The following PRIM2 variants were observed in gnomAD, a reference collection of about 807,000 sequenced individuals.
The protein encoded by PRIM2 is DNA primase large subunit.
Under a neutral mutation model 67.3 loss-of-function variants are expected in PRIM2, and 39 were observed. That is an observed-to-expected ratio of 0.58 (90% CI 0.45 to 0.76). PRIM2 has a LOEUF of 0.76. Ranked by LOEUF, PRIM2 falls within the 30% of genes least tolerant of loss-of-function variation. PRIM2 has a pLI of 0.00. For synonymous variants in PRIM2, 143 were observed against 198.7 expected, an observed-to-expected ratio of 0.72 and a Z score of 2.36; for missense variants, 398 against 598.7, an observed-to-expected ratio of 0.66 and a Z score of 3.50.
At chr6:57,308,786 T>A in the PRIM2 span, among the ~76,000 whole-genome samples, 1 of 152,180 alleles carries the variant, frequency 6.6e-6, no homozygotes, top group African/African-American at 2.4e-5. Context: ...TTTACATATG[T>A]TTATTTATCA....
At position 57,645,926 on chromosome 6, in the gene PRIM2, A is replaced by C; in HGVS notation, c.1300-2A>C. On this transcript the variant is annotated splice_acceptor_variant, in intron 13 of 13. Coordinates refer to ENST00000615550, the MANE Select transcript of PRIM2 (RefSeq NM_000947.5). LOFTEE classifies it high-confidence loss of function. ...TGCAATATAAATTTCCTTCCTTTAC[A>C]GGTGGATGATTGTGGCTTTTCTTTG... is the stretch of plus-strand genomic sequence containing the variant. 4 of 1,477,220 alleles carry C rather than the reference A, an allele frequency of 2.7e-6. No individual in the cohort carries two copies. Among genetic ancestry groups the C allele is most frequent in the Non-Finnish European group, 3.8e-6 (4 of 1,058,818 alleles). 91.5% of individuals were successfully genotyped at this position (1,477,220 alleles called of 1,614,324 possible).
the PRIM2 span, among the ~76,000 whole-genome samples, chr6:57,301,548 T>A: frequency 6.6e-6 from 1 of 152,082 alleles, no homozygotes; most frequent in South Asian, 2.1e-4. Context: ...ACGCCTGTAA[T>A]CTCAGCACTT....
chr6:57,619,629 A>G (rs1448160626), intron 12 of PRIM2, among the ~76,000 whole-genome samples: 7 of 152,260 alleles, frequency 4.6e-5, no homozygotes, highest in Admixed American at 3.9e-4. Flanking sequence ...ATGCTCTGGA[A>G]AGTCTCAGCA....
At chr6:57,588,841 T>C (rs1776239345) in intron 10 of PRIM2, among the ~76,000 whole-genome samples, 1 of 152,220 alleles carries the variant, frequency 6.6e-6, no homozygotes. Flanking sequence ...TTGACAAAGA[T>C]TGCATGGCCT....
chr6:57,460,423 C>A (rs1249460113), intron 7 of PRIM2, among the ~76,000 whole-genome samples: 1 of 152,086 alleles, frequency 6.6e-6, no homozygotes, highest in South Asian at 2.1e-4. Context: ...AGAGTCTCTG[C>A]AATTCCACAG....
At chr6:57,405,458 CAT>C (rs370876240) in intron 7 of PRIM2, among the ~76,000 whole-genome samples, 55 of 146,550 alleles carry the variant, frequency 3.8e-4, no homozygotes, top group African/African-American at 1.4e-3. Flanking sequence ...AAGAGAGAAA[CAT>C]ATGCAAACAC....
intron 5 of PRIM2, among the ~76,000 whole-genome samples, chr6:57,339,728 C>T (rs1248667721): frequency 3.9e-5 from 6 of 152,088 alleles, no homozygotes; most frequent in Admixed American, 1.3e-4. Context: ...AAGACTTAAA[C>T]GTTAGACCTA....
At chr6:57,634,814 T>G (rs1777092201) in intron 13 of PRIM2, among the ~76,000 whole-genome samples, 1 of 152,170 alleles carries the variant, frequency 6.6e-6, no homozygotes, top group Non-Finnish European at 1.5e-5. Context: ...TTTACATTAA[T>G]GAAGATTTTG....
At chr6:57,632,939 C>A (rs1180343143) in intron 13 of PRIM2, among the ~76,000 whole-genome samples, 1 of 152,144 alleles carries the variant, frequency 6.6e-6, no homozygotes, top group Admixed American at 6.5e-5. Context: ...ACAAAAAAGC[C>A]TGCTTGATTA....
intron 10 of PRIM2, among the ~76,000 whole-genome samples, chr6:57,556,388 C>T (rs1775513994): frequency 6.6e-6 from 1 of 152,146 alleles, no homozygotes; most frequent in Non-Finnish European, 1.5e-5. Context: ...TGACTTCAAA[C>T]TATACTACAG....
At chr6:57,490,986 C>T (rs1773875575) in intron 7 of PRIM2, among the ~76,000 whole-genome samples, 1 of 151,916 alleles carries the variant, frequency 6.6e-6, no homozygotes, top group African/African-American at 2.4e-5. Flanking sequence ...ATAGAATTCC[C>T]AGAAGGGAGA....
chr6:57,432,076 A>G (rs1434942938), intron 7 of PRIM2, among the ~76,000 whole-genome samples: 4 of 152,180 alleles, frequency 2.6e-5, no homozygotes, highest in African/African-American at 9.6e-5. Flanking sequence ...GTTATCACCA[A>G]TTTAGCCTTT....
At chr6:57,457,762 C>T (rs569512074) in intron 7 of PRIM2, among the ~76,000 whole-genome samples, 6 of 152,190 alleles carry the variant, frequency 3.9e-5, no homozygotes, top group African/African-American at 1.2e-4. Context: ...GGCCCTGCCT[C>T]GGCTCACATA....
the PRIM2 span, among the ~76,000 whole-genome samples, chr6:57,274,031 G>A: frequency 5.3e-5 from 8 of 152,170 alleles, no homozygotes; most frequent in East Asian, 3.9e-4. Flanking sequence ...GTGTCAGTCC[G>A]CCCCTACTGG....
intron 7 of PRIM2, among the ~76,000 whole-genome samples, chr6:57,394,640 A>G (rs1393519884): frequency 2.6e-5 from 4 of 152,086 alleles, no homozygotes; most frequent in Admixed American, 6.6e-5. Context: ...CTCTTTACCT[A>G]TTTGGATGCC....
chr6:57,274,994 C>A, the PRIM2 span, among the ~76,000 whole-genome samples: 7 of 151,032 alleles, frequency 4.6e-5, no homozygotes, highest in South Asian at 8.4e-4. Flanking sequence ...ACCACGCTAG[C>A]CAGGATGGTC....
intron 1 of PRIM2, among the ~76,000 whole-genome samples, 174 bp downstream of exon 1, chr6:57,317,875 A>G (rs998499588): frequency 1.3e-5 from 2 of 152,130 alleles, no homozygotes; most frequent in African/African-American, 4.8e-5. Flanking sequence ...GGGGAGAGAT[A>G]GGTTTGCCAG....
the PRIM2 span, among the ~76,000 whole-genome samples, chr6:57,266,414 TA>T: frequency 6.6e-6 from 1 of 152,200 alleles, no homozygotes; most frequent in Non-Finnish European, 1.5e-5. Context: ...ATGTCAACTC[TA>T]AAAATATCAG....
Position 57,606,842 on chromosome 6 carries a change from A to G in PRIM2, c.1230+385A>G, listed in dbSNP as rs1489285754. ...TTTCATTTTGGGAAATTGTTTTCTG[A>G]GCAGATGATAATGTGGTACACACTG... is the stretch of plus-strand genomic sequence containing the variant. On this transcript the variant is annotated intron_variant, in intron 12 of 13. Coordinates refer to ENST00000615550, the MANE Select transcript of PRIM2 (RefSeq NM_000947.5). 4.7e-4 allele frequency among the ~76,000 whole-genome samples: 71 copies of G among 152,364 alleles called. 1 individual carries two copies. The East Asian group carries it at 0.012, about 26-fold the overall frequency.
Sources: gnomAD v4.1 joint callset for allele counts (sites outside exome capture counted in the v4.1 genomes callset) on GRCh38, gnomAD v4.1.1 for gene constraint, MANE v1.5 for transcripts, NCBI Gene and HGNC (gene_info 2026-07-23, HGNC 2026-07-21) for gene names.